The following KCNIP4 variants were observed in gnomAD, a reference collection of about 807,000 sequenced individuals.
KCNIP4 encodes the protein potassium voltage-gated channel interacting protein 4, also known as Kv channel-interacting protein 4.
In KCNIP4, 12 loss-of-function variants were observed where a neutral mutation model predicts 34.0. The observed-to-expected ratio is 0.35, with a 90% confidence interval of 0.23 to 0.57. The LOEUF (loss-of-function observed/expected upper bound fraction) is 0.57. Among genes scored for constraint, KCNIP4 ranks in the 20% least tolerant of loss-of-function variants. The probability of loss-of-function intolerance (pLI) is 0.83; values close to 1 mark genes in which losing one functional copy is unlikely to be tolerated. For missense variants in KCNIP4, 238 were observed against 311.7 expected (o/e 0.76, Z 1.78); for synonymous variants, 124 against 102.2 (o/e 1.21, Z -1.29).
In KCNIP4 at chr4:21,310,474, C is replaced by A. The variant is rs182329671; in HGVS notation, c.62-427765G>T. Among the ~76,000 whole-genome samples, 753 of 152,256 alleles carry A rather than the reference C, an allele frequency of 4.9e-3. 3 individuals are homozygous for A. The highest frequency in any genetic ancestry group is 8.5e-3 in the Non-Finnish European group (581 of 68,014). Reference sequence around the variant, plus strand: ...TGGTGCGCAAAATCAGCATCAGTGACCTGCCTTTAACTTCCTTTGGCACTT... The same window carrying A: ...TGGTGCGCAAAATCAGCATCAGTGAACTGCCTTTAACTTCCTTTGGCACTT... On this transcript the variant is annotated intron_variant, in intron 1 of 8. Coordinates refer to ENST00000382152, the MANE Select transcript of KCNIP4 (RefSeq NM_025221.6).
chr4:21,273,622 A>T (rs1469179394), intron 1 of KCNIP4, among the ~76,000 whole-genome samples: 1 of 152,122 alleles, frequency 6.6e-6, no homozygotes, highest in African/African-American at 2.4e-5. Context: ...TTCTATGTAG[A>T]ATGCTATTTT....
At position 21,584,184 on chromosome 4, in the gene KCNIP4, C is replaced by T. The variant is rs536018037; in HGVS notation, c.61+364387G>A. On this transcript the variant is annotated intron_variant, in intron 1 of 8. Coordinates refer to ENST00000382152, the MANE Select transcript of KCNIP4 (RefSeq NM_025221.6). ...ATTTTAATTTTCCTTCTCCCATTAACGCTTATACTTCAGTGAGAATAAAGT... is the reference window on the plus strand; with the variant it reads ...ATTTTAATTTTCCTTCTCCCATTAATGCTTATACTTCAGTGAGAATAAAGT... 1.1e-4 allele frequency among the ~76,000 whole-genome samples: 16 copies of T among 152,088 alleles called. No individual in the cohort carries two copies. The South Asian group carries it at 3.3e-3, about 32-fold the overall frequency.
chr4:20,961,271 T>C (rs996132473), intron 1 of KCNIP4, among the ~76,000 whole-genome samples: 1 of 152,180 alleles, frequency 6.6e-6, no homozygotes, highest in African/African-American at 2.4e-5. Flanking sequence ...AAAAAAAATC[T>C]CTGGTAGGTA....
chr4:21,240,778 AC>A (rs1236133974), intron 1 of KCNIP4, among the ~76,000 whole-genome samples: 5 of 152,228 alleles, frequency 3.3e-5, no homozygotes, highest in Non-Finnish European at 5.9e-5. Context: ...ATTTCTGAAG[AC>A]AATGCAAAAA....
intron 1 of KCNIP4, among the ~76,000 whole-genome samples, chr4:21,050,753 A>T (rs1005569303): frequency 3.3e-5 from 5 of 152,228 alleles, no homozygotes; most frequent in Non-Finnish European, 7.3e-5. Context: ...AGAAATACCA[A>T]ATTTATCTTA....
intron 1 of KCNIP4, among the ~76,000 whole-genome samples, chr4:21,682,530 T>G (rs1750447313): frequency 6.6e-6 from 1 of 152,168 alleles, no homozygotes; most frequent in Non-Finnish European, 1.5e-5. Context: ...CAATATTAAT[T>G]TCCTACTAGA....
At chr4:21,424,605 AAAAG>A (rs3083788) in intron 1 of KCNIP4, among the ~76,000 whole-genome samples, 31,398 of 151,554 alleles carry the variant, frequency 0.21, 4,171 homozygotes, top group Non-Finnish European at 0.3. Context: ...GAAAGAGAGA[AAAAG>A]AAAGAAAGAA....
chr4:21,584,404 A>G (rs1196471875), intron 1 of KCNIP4, among the ~76,000 whole-genome samples: 1 of 152,116 alleles, frequency 6.6e-6, no homozygotes, highest in African/African-American at 2.4e-5. Context: ...TTTTAGTCAT[A>G]AAGAATTTGC....
At chr4:20,856,912 C>T (rs531022776) in intron 2 of KCNIP4, among the ~76,000 whole-genome samples, 3 of 152,120 alleles carry the variant, frequency 2.0e-5, no homozygotes, top group African/African-American at 4.8e-5. Flanking sequence ...GCCTTTGTAT[C>T]GGGCAGCAAT....
chr4:21,775,189 T>C (rs1458731419), intron 1 of KCNIP4, among the ~76,000 whole-genome samples: 1 of 152,184 alleles, frequency 6.6e-6, no homozygotes, highest in African/African-American at 2.4e-5. Flanking sequence ...TTCTGCTTTT[T>C]TGTTCTTCTT....
intron 4 of KCNIP4, among the ~76,000 whole-genome samples, chr4:20,756,272 TGAAAG>T (rs1754433959): frequency 6.6e-6 from 1 of 152,142 alleles, no homozygotes; most frequent in Non-Finnish European, 1.5e-5. Flanking sequence ...ATGTCAAAGT[TGAAAG>T]GAAGTACTAG....
chr4:20,800,233 A>G (rs1014254398), intron 3 of KCNIP4, among the ~76,000 whole-genome samples: 3 of 152,234 alleles, frequency 2.0e-5, no homozygotes, highest in African/African-American at 7.2e-5. Flanking sequence ...CCCACACAGA[A>G]CTACAGCCAC....
At chr4:21,618,693 C>T (rs867624752) in intron 1 of KCNIP4, among the ~76,000 whole-genome samples, 2 of 133,972 alleles carry the variant, frequency 1.5e-5, no homozygotes, top group Admixed American at 1.7e-4. Flanking sequence ...AGTGCAGTGG[C>T]GTGATCTTGG....
chr4:20,768,658 C>CA (rs1755617232), intron 3 of KCNIP4, among the ~76,000 whole-genome samples: 1 of 152,044 alleles, frequency 6.6e-6, no homozygotes, highest in Non-Finnish European at 1.5e-5. Context: ...CACAGGTAAG[C>CA]AAAAGAAATG....
intron 1 of KCNIP4, among the ~76,000 whole-genome samples, chr4:21,861,196 T>C (rs1725053593): frequency 6.6e-6 from 1 of 152,232 alleles, no homozygotes; most frequent in Non-Finnish European, 1.5e-5. Context: ...TATAACTTAT[T>C]TCCTTAAAGA....
intron 1 of KCNIP4, among the ~76,000 whole-genome samples, chr4:21,865,570 T>G (rs986913720): frequency 1.3e-5 from 2 of 152,046 alleles, no homozygotes; most frequent in African/African-American, 2.4e-5. Context: ...TGAGATGGAG[T>G]TTCGCTCTTG....
chr4:21,239,352 A>G (rs920374502), intron 1 of KCNIP4, among the ~76,000 whole-genome samples: 13 of 151,338 alleles, frequency 8.6e-5, no homozygotes, highest in Non-Finnish European at 1.6e-4. Flanking sequence ...AAGCAATGGC[A>G]ACAAAAGCCA....
chr4:20,967,663 G>A (rs142681628), intron 1 of KCNIP4, among the ~76,000 whole-genome samples: 3,633 of 152,198 alleles, frequency 0.024, 149 homozygotes, highest in African/African-American at 0.083. Context: ...AAACCTGACA[G>A]AAACAAGCAA....
At chr4:21,077,620 C>T (rs1238389292) in intron 1 of KCNIP4, among the ~76,000 whole-genome samples, 1 of 152,056 alleles carries the variant, frequency 6.6e-6, no homozygotes, top group Non-Finnish European at 1.5e-5. Flanking sequence ...TTTCTAAGAG[C>T]CTTCGTTGTC....
Sources: gnomAD v4.1 joint callset for allele counts (sites outside exome capture counted in the v4.1 genomes callset) on GRCh38, gnomAD v4.1.1 for gene constraint, MANE v1.5 for transcripts, NCBI Gene and HGNC (gene_info 2026-07-23, HGNC 2026-07-21) for gene names.